GRM7: variants seen among roughly 807,000 people sequenced by gnomAD.
GRM7 encodes the protein glutamate metabotropic receptor 7.
In GRM7, 35 loss-of-function variants were observed where a neutral mutation model predicts 84.5. The observed-to-expected ratio is 0.41, with a 90% CI of 0.32 to 0.55. The LOEUF (loss-of-function observed/expected upper bound fraction) is 0.55. GRM7 is among the 20% of genes least tolerant of loss of function. The pLI is 0.19. For synonymous variants in GRM7, 487 were observed against 455.1 expected (o/e 1.07, Z -0.89); for missense variants, 1,003 against 1,194.6 (o/e 0.84, Z 2.36).
chr3:7,252,829 T>C (rs1482490924), intron 2 of GRM7, among the ~76,000 whole-genome samples: 1 of 151,022 alleles, frequency 6.6e-6, no homozygotes, highest in Non-Finnish European at 1.5e-5. Flanking sequence ...GCTGCGACTA[T>C]AGGCGCCCGC....
At chr3:7,363,784 T>A (rs919212296) in intron 4 of GRM7, among the ~76,000 whole-genome samples, 1 of 152,106 alleles carries the variant, frequency 6.6e-6, no homozygotes. Context: ...GAATTCTACA[T>A]CTTCAACCCT....
chr3:7,394,995 G>C (rs540741350), intron 4 of GRM7, among the ~76,000 whole-genome samples: 47 of 149,184 alleles, frequency 3.2e-4, no homozygotes, highest in Admixed American at 1.6e-3. Flanking sequence ...CTGAAATTGC[G>C]CCATTGCACT....
intron 5 of GRM7, among the ~76,000 whole-genome samples, chr3:7,444,219 A>C (rs1444354166): frequency 6.6e-6 from 1 of 152,186 alleles, no homozygotes; most frequent in African/African-American, 2.4e-5. Context: ...AGAGTGGTAC[A>C]ACCTCCTTAT....
intron 9 of GRM7, among the ~76,000 whole-genome samples, chr3:7,695,130 AC>A (rs1700968987): frequency 1.3e-5 from 2 of 152,300 alleles, no homozygotes; most frequent in South Asian, 4.1e-4. Flanking sequence ...CCAAGAAGTC[AC>A]CCCTCTGTAG....
rs1440587409 is a variant in GRM7 at position 7,674,119 on chromosome 3, G to T, written c.2452-5930G>T. Among the ~76,000 whole-genome samples, 3 of 152,052 alleles carry T rather than the reference G, an allele frequency of 2.0e-5. No individual in the cohort carries two copies. In the East Asian group the frequency reaches 5.8e-4, roughly 29 times the overall value. On this transcript the variant is annotated intron_variant, in intron 8 of 9. Coordinates refer to ENST00000357716, the MANE Select transcript of GRM7 (RefSeq NM_000844.4). ...CAGTGAGCAGAGGAAGGAAAAGCAA[G>T]AGACAATATACACTATGAAGAAATG...
intron 1 of GRM7, among the ~76,000 whole-genome samples, chr3:7,064,563 AT>A (rs1559415689): frequency 1.2e-4 from 17 of 136,626 alleles, no homozygotes; most frequent in African/African-American, 3.5e-4. Context: ...ATATATATAT[AT>A]ATATATCACA....
intron 1 of GRM7, chr3:6,892,757 C>T (rs571185837): frequency 6.6e-6 from 1 of 152,316 alleles, no homozygotes; most frequent in Non-Finnish European, 1.5e-5. Context: ...CAACAGCCCT[C>T]TGTGCTGGGC....
intron 6 of GRM7, among the ~76,000 whole-genome samples, chr3:7,456,718 A>C (rs1698031024): frequency 6.6e-6 from 1 of 151,470 alleles, no homozygotes; most frequent in Admixed American, 6.6e-5. Flanking sequence ...TCATCATTGT[A>C]ATCACACTCT....
intron 1 of GRM7, among the ~76,000 whole-genome samples, chr3:6,984,249 A>T (rs1348232212): frequency 6.6e-6 from 1 of 152,190 alleles, no homozygotes; most frequent in Non-Finnish European, 1.5e-5. Flanking sequence ...CATGAGTTCA[A>T]TGAATGTTGT....
At chr3:6,970,638 G>A (rs1014334108) in intron 1 of GRM7, among the ~76,000 whole-genome samples, 11 of 152,114 alleles carry the variant, frequency 7.2e-5, no homozygotes, top group African/African-American at 1.9e-4. Flanking sequence ...TTGACTGTAT[G>A]AGAGGGAAAA....
chr3:7,211,030 C>A (rs1696407298), intron 2 of GRM7, among the ~76,000 whole-genome samples: 1 of 152,080 alleles, frequency 6.6e-6, no homozygotes, highest in Non-Finnish European at 1.5e-5. Context: ...AAAGGCAACT[C>A]CATAAATAAA....
intron 4 of GRM7, among the ~76,000 whole-genome samples, chr3:7,319,329 A>AG (rs1439179392): frequency 1.3e-5 from 2 of 152,038 alleles, no homozygotes; most frequent in Non-Finnish European, 2.9e-5. Flanking sequence ...GGTTCATTTA[A>AG]GGGGGACAGA....
chr3:7,471,974 A>G (rs1698720246), intron 7 of GRM7, among the ~76,000 whole-genome samples: 1 of 152,180 alleles, frequency 6.6e-6, no homozygotes, highest in African/African-American at 2.4e-5. Flanking sequence ...ACCTAAAGGG[A>G]GGTGTTTGAG....
At position 7,638,639 on chromosome 3, in the gene GRM7, A is replaced by G. The variant is rs111932560; in HGVS notation, c.2452-41410A>G. ...TTTCTGAAATTGGCATGCTGTTGCC[A>G]TGAGTTTGGGCTGTTGCCATAATCC... On this transcript the variant is annotated intron_variant, in intron 8 of 9. Coordinates refer to ENST00000357716, the MANE Select transcript of GRM7 (RefSeq NM_000844.4). Among the ~76,000 whole-genome samples the G allele has an allele frequency of 2.9e-3, 439 of 152,338 alleles. 1 individual carries two copies. Among genetic ancestry groups the G allele is most frequent in the African/African-American group, 9.0e-3 (372 of 41,564 alleles).
intron 1 of GRM7, among the ~76,000 whole-genome samples, chr3:7,067,033 A>C (rs1574856987): frequency 6.6e-6 from 1 of 151,980 alleles, no homozygotes; most frequent in Non-Finnish European, 1.5e-5. Flanking sequence ...AATATAATAA[A>C]AGCCATCTGT....
chr3:7,573,357 T>C (rs540400470), intron 7 of GRM7, among the ~76,000 whole-genome samples: 2 of 152,256 alleles, frequency 1.3e-5, no homozygotes, highest in South Asian at 4.2e-4. Context: ...CCAGCCAGCT[T>C]GGTCTATGGA....
chr3:7,641,809 C>T (rs560668783), intron 8 of GRM7, among the ~76,000 whole-genome samples: 1 of 152,210 alleles, frequency 6.6e-6, no homozygotes, highest in South Asian at 2.1e-4. Context: ...AAGACAAGGA[C>T]TTAATGTCTA....
intron 7 of GRM7, among the ~76,000 whole-genome samples, chr3:7,482,476 A>G (rs1699168263): frequency 6.6e-6 from 1 of 152,206 alleles, no homozygotes; most frequent in South Asian, 2.1e-4. Context: ...CTAGGGAGGT[A>G]CATGGCAAGT....
rs184158972 is a variant in GRM7, at chr3:7,541,190, G to T, written c.1516-37232G>T. Among the ~76,000 whole-genome samples, 3 of 151,958 alleles carry T rather than the reference G, an allele frequency of 2.0e-5. No homozygotes were observed. The East Asian group carries it at 5.8e-4, about 29-fold the overall frequency. On this transcript the variant is annotated intron_variant, in intron 7 of 9. Coordinates refer to ENST00000357716, the MANE Select transcript of GRM7 (RefSeq NM_000844.4). ...TTTCATAGTGTACTTTTTTTTGCAT[G>T]CAGATGTAATATGGCATTAGGTGAA...
Sources: allele counts gnomAD v4.1 joint callset (sites outside exome capture counted in the v4.1 genomes callset), GRCh38; gene constraint gnomAD v4.1.1; transcripts MANE v1.5; gene names NCBI Gene and HGNC (gene_info 2026-07-23, HGNC 2026-07-21).